Variants in PCCB observed in about 807,000 individuals in gnomAD.
PCCB encodes the protein propionyl-CoA carboxylase subunit beta, also known as propionyl-CoA carboxylase beta chain, mitochondrial.
PCCB carries 43 observed loss-of-function variants against 60.7 expected under a neutral mutation model. The ratio of observed to expected loss-of-function variants is 0.71; its 90% CI spans 0.55 to 0.91. PCCB has a LOEUF of 0.91. Ranked by LOEUF, PCCB falls within the 40% of genes least tolerant of loss-of-function variation. The pLI is 0.00. For missense variants in PCCB, 766 were observed against 702.8 expected (o/e 1.09, Z -1.02); for synonymous variants, 276 against 255.9 (o/e 1.08, Z -0.75).
intron 9 of PCCB, among the ~76,000 whole-genome samples, chr3:136,316,418 G>A (rs188844691): frequency 3.9e-5 from 6 of 152,024 alleles, no homozygotes; most frequent in East Asian, 3.9e-4. Flanking sequence ...CAGTTTAAGC[G>A]ATTCTCCTGC....
In PCCB at chr3:136,256,622, A is replaced by G. The variant is rs1348008749; in HGVS notation, c.371A>G (p.Gln124Arg). 2 of 1,604,598 alleles carry G rather than the reference A, an allele frequency of 1.2e-6. No individual in the cohort carries two copies. The highest frequency in any genetic ancestry group is 1.7e-6 in the Non-Finnish European group (2 of 1,171,406). The change falls in exon 3 of 15, where the codon CAG becomes CGG. Residue 124 changes from glutamine (Q) to arginine (R), a missense_variant and splice_region_variant. By Grantham distance (43) the Gln-to-Arg change is conservative (BLOSUM62 1). Transcript: ENST00000251654. ...INGRLVYVFS[Q>R]DFTVFGGSLS... is the part of the protein sequence containing the mutation. ...GGAAGATTGGTTTATGTCTTCAGTC[A>G]GGTATTTCATAACTCCAATAGTCTG...
Position 136,283,853 on chromosome 3 carries a change from C to T in PCCB, c.560C>T (p.Ser187Phe). The change falls in exon 6 of 15, where the codon TCC becomes TTC. Residue 187 changes from serine to phenylalanine, a missense_variant. Physicochemically the swap from Ser to Phe is radical, Grantham distance 155. Transcript: ENST00000251654. ...ADIFLRNVTA[S>F]GVIPQISLIM... Reference sequence around the variant, plus strand: ...TTTTGGCAGAGGAATGTTACGGCATCCGGAGTCATCCCTCAGATTTCTCTG... The same window carrying T: ...TTTTGGCAGAGGAATGTTACGGCATTCGGAGTCATCCCTCAGATTTCTCTG... 2 of 1,612,834 alleles carry T rather than the reference C, an allele frequency of 1.2e-6. No homozygotes were observed. Among genetic ancestry groups the T allele is most frequent in the Non-Finnish European group, 1.7e-6 (2 of 1,178,854 alleles).
intron 5 of PCCB, among the ~76,000 whole-genome samples, chr3:136,262,538 C>G (rs531605113): frequency 1.3e-5 from 2 of 152,138 alleles, no homozygotes; most frequent in African/African-American, 4.8e-5. Context: ...TTTGGCGAAC[C>G]TCATTACTGA....
Position 136,329,995 on chromosome 3 carries a change from C to T in PCCB, c.1589C>T (p.Pro530Leu), listed in dbSNP as rs745619128. The change falls in exon 15 of 15, where the codon CCT (proline) becomes CTT (leucine). Residue 530 changes from proline to leucine, a missense_variant. Physicochemically the swap from Pro to Leu is moderately conservative, Grantham distance 98. Coordinates refer to ENST00000251654, the MANE Select transcript of PCCB (RefSeq NM_000532.5). ...TTGGCCAGCAAGAAGGTACAACGTC[C>T]TTGGAGAAAACATGCAAATATTCCA... is the stretch of plus-strand genomic sequence containing the variant. The part of the protein sequence containing the change: ...DVLASKKVQR[P>L]WRKHANIPL 6 of 1,614,144 alleles carry T rather than the reference C, an allele frequency of 3.7e-6. No homozygotes were observed. Among genetic ancestry groups the T allele is most frequent in the South Asian group, 1.1e-5 (1 of 91,084 alleles).
chr3:136,293,812 G>T lies in PCCB; in HGVS notation c.711G>T (p.Glu237Asp). The T allele has an allele frequency of 6.2e-7, 1 of 1,613,622 alleles. No individual in the cohort carries two copies. Among genetic ancestry groups the T allele is most frequent in the Non-Finnish European group, 8.5e-7 (1 of 1,179,588 alleles). Residue 237 changes from glutamate (E) to aspartate (D), a missense_variant, in exon 7 of 15, where the codon GAG becomes GAT. By Grantham distance (45) the Glu-to-Asp change is conservative (BLOSUM62 2). Coordinates refer to ENST00000251654, the MANE Select transcript of PCCB (RefSeq NM_000532.5). ...ATGTTGTGAAGTCTGTCACCAATGA[G>T]GATGTTACCCAGGAGGAGCTCGGTG... is the stretch of plus-strand genomic sequence containing the variant. ...GPDVVKSVTN[E>D]DVTQEELGGA... is the part of the protein sequence containing the mutation.
In PCCB at chr3:136,302,637, A is replaced by G. The variant is rs1359493134; in HGVS notation, c.966+1526A>G. On this transcript the variant is annotated intron_variant, in intron 9 of 14. Coordinates refer to ENST00000251654, the MANE Select transcript of PCCB (RefSeq NM_000532.5). ...GTGCAGGTTAGTTACATATGTATAC[A>G]TGTGCCATGCTGGTGTGCTGCACCT... 1.0e-4 allele frequency among the ~76,000 whole-genome samples: 12 copies of G among 118,332 alleles called. 3 individuals carry two copies. The highest frequency in any genetic ancestry group is 2.1e-4 in the Non-Finnish European group (11 of 53,532). 77.6% of individuals were successfully genotyped at this position (118,332 alleles called of 152,430 possible).
At position 136,256,593 on chromosome 3, in the gene PCCB, C is replaced by G; in HGVS notation, c.342C>G (p.Ile114Met). 1 of 1,612,960 alleles carries G rather than the reference C, an allele frequency of 6.2e-7. No homozygotes were observed. Among genetic ancestry groups the G allele is most frequent in the Non-Finnish European group, 8.5e-7 (1 of 1,179,016 alleles). Residue 114 changes from isoleucine to methionine, a missense_variant, in exon 3 of 15, where the codon ATC becomes ATG. Coordinates refer to ENST00000251654, the MANE Select transcript of PCCB (RefSeq NM_000532.5). ...GDSVVTGRGR[I>M]NGRLVYVFSQ... ...GCGTGGTCACTGGACGAGGCCGAATCAATGGAAGATTGGTTTATGTCTTCA... is the reference window on the plus strand; with the variant it reads ...GCGTGGTCACTGGACGAGGCCGAATGAATGGAAGATTGGTTTATGTCTTCA...
chr3:136,326,946 C>T (rs1255120563), intron 11 of PCCB, 36 bp downstream of exon 11: 3 of 1,393,562 alleles, frequency 2.2e-6, no homozygotes, highest in Middle Eastern at 1.8e-4. Flanking sequence ...AGGAGAGTTG[C>T]CTTTCCCAGT....
At chr3:136,281,122 A>G (rs1942464591) in intron 5 of PCCB, among the ~76,000 whole-genome samples, 1 of 65,132 alleles carries the variant, frequency 1.5e-5, no homozygotes, top group South Asian at 4.0e-4. Context: ...TTGAGTTCAT[A>G]CTGCTTGGAG....
chr3:136,274,704 T>C (rs1942295879), intron 5 of PCCB, among the ~76,000 whole-genome samples: 1 of 152,224 alleles, frequency 6.6e-6, no homozygotes, highest in African/African-American at 2.4e-5. Flanking sequence ...TCAATGATTC[T>C]CTCAAATAAG....
intron 8 of PCCB, among the ~76,000 whole-genome samples, chr3:136,300,076 GCATATACGCATATCTAC>G (rs1934197204): frequency 1.4e-5 from 2 of 146,556 alleles, no homozygotes; most frequent in African/African-American, 5.5e-5. Flanking sequence ...ACACATATAT[GCATATACGCATATCTAC>G]ACATATACAT....
intron 6 of PCCB, among the ~76,000 whole-genome samples, chr3:136,284,676 G>A (rs1017080855): frequency 3.3e-5 from 5 of 152,172 alleles, no homozygotes; most frequent in African/African-American, 4.8e-5. Flanking sequence ...AGGGAAGTTA[G>A]GCAGTAGGAA....
intron 12 of PCCB, 120 bp downstream of exon 12, chr3:136,327,375 G>A: frequency 2.5e-6 from 2 of 801,160 alleles, no homozygotes; most frequent in Non-Finnish European, 4.3e-6. Context: ...TCCTTAAAAA[G>A]ATCTCTTGAG....
intron 10 of PCCB, among the ~76,000 whole-genome samples, chr3:136,320,583 C>T (rs1033946178): frequency 2.0e-5 from 3 of 152,064 alleles, no homozygotes; most frequent in Non-Finnish European, 4.4e-5. Context: ...ACTTTGTTAG[C>T]TTTTGTTTCA....
At chr3:136,301,473 G>T (rs1934278603) in intron 9 of PCCB, among the ~76,000 whole-genome samples, 1 of 152,062 alleles carries the variant, frequency 6.6e-6, no homozygotes, top group South Asian at 2.1e-4. Flanking sequence ...CTGCTCAGAG[G>T]GGGTTTTGTC....
At chr3:136,318,534 C>A (rs1448695225) in intron 10 of PCCB, among the ~76,000 whole-genome samples, 1 of 152,206 alleles carries the variant, frequency 6.6e-6, no homozygotes, top group Admixed American at 6.5e-5. Context: ...AGACTGTGAA[C>A]CTGTTAAACA....
At chr3:136,284,209 T>G (rs982943194) in intron 6 of PCCB, among the ~76,000 whole-genome samples, 5 of 152,334 alleles carry the variant, frequency 3.3e-5, no homozygotes, top group Admixed American at 6.5e-5. Flanking sequence ...TTTCAGGTAA[T>G]CAAAGAATCC....
intron 5 of PCCB, among the ~76,000 whole-genome samples, chr3:136,263,210 C>T (rs1292842267): frequency 6.7e-6 from 1 of 150,374 alleles, no homozygotes; most frequent in Non-Finnish European, 1.5e-5. Context: ...ACCTCGGCCT[C>T]CTAAAGTGCT....
intron 14 of PCCB, 68 bp from the exon 15 acceptor site, chr3:136,329,837 G>GC: frequency 6.3e-7 from 1 of 1,579,846 alleles, no homozygotes; most frequent in South Asian, 1.1e-5. Context: ...CCCAGGCTGA[G>GC]CAGAAGGTTG....
Sources: gnomAD v4.1 joint callset for allele counts (sites outside exome capture counted in the v4.1 genomes callset) on GRCh38, gnomAD v4.1.1 for gene constraint, MANE v1.5 for transcripts, NCBI Gene and HGNC (gene_info 2026-07-23, HGNC 2026-07-21) for gene names.